Variants in TGFBR3 observed in about 807,000 individuals in gnomAD.
The protein encoded by TGFBR3 is transforming growth factor beta receptor 3, also known as transforming growth factor beta receptor type 3.
In TGFBR3, 46 loss-of-function variants were observed where a neutral mutation model predicts 87.9. The ratio of observed to expected loss-of-function variants is 0.52; its 90% confidence interval spans 0.41 to 0.67. TGFBR3 has a LOEUF of 0.67. TGFBR3 is among the 30% of genes least tolerant of loss of function. The pLI is 0.00. For synonymous variants in TGFBR3, 381 were observed against 391.6 expected (o/e 0.97, Z 0.32); for missense variants, 866 against 1,041.9 (o/e 0.83, Z 2.32).
intron 2 of TGFBR3, among the ~76,000 whole-genome samples, chr1:91,843,665 C>T (rs1677373540): frequency 6.6e-6 from 1 of 152,160 alleles, no homozygotes; most frequent in Non-Finnish European, 1.5e-5. Flanking sequence ...ACAGGAACTA[C>T]TGATACTTCA....
upstream of TGFBR3, among the ~76,000 whole-genome samples, chr1:91,890,367 G>A (rs868445116): frequency 2.6e-4 from 34 of 131,132 alleles, no homozygotes; most frequent in Middle Eastern, 4.8e-3. Flanking sequence ...AAGTCTAAAA[G>A]ACTTTATCAT....
At chr1:91,839,367 G>A (rs148681855) in intron 2 of TGFBR3, among the ~76,000 whole-genome samples, 31 of 152,182 alleles carry the variant, frequency 2.0e-4, no homozygotes, top group African/African-American at 7.0e-4. Flanking sequence ...AAGTTTAGTT[G>A]CAAGGTAGCA....
Position 91,839,446 on chromosome 1 carries a change from G to A in TGFBR3, c.61+22025C>T, listed in dbSNP as rs183740970. On this transcript the variant is annotated intron_variant, in intron 2 of 16. Transcript: ENST00000212355. ...TCCTTTGCTTTCCCCAAAATACTGC[G>A]TAATTTCAAAGTGAAAAATAGTACC... Among the ~76,000 whole-genome samples, 342 of 152,216 alleles carry A rather than the reference G, an allele frequency of 2.2e-3. 1 individual carries two copies. The highest frequency in any genetic ancestry group is 2.7e-3 in the Non-Finnish European group (184 of 68,014).
chr1:91,791,720 C>T (rs1675199841), intron 3 of TGFBR3, among the ~76,000 whole-genome samples: 1 of 152,164 alleles, frequency 6.6e-6, no homozygotes, highest in East Asian at 1.9e-4. Context: ...AGACACAACT[C>T]GGGGGCTGGC....
intron 1 of TGFBR3, chr1:91,864,244 C>G (rs1407218775): frequency 6.6e-6 from 1 of 152,146 alleles, no homozygotes; most frequent in East Asian, 1.9e-4. Flanking sequence ...GTCTGTGCTG[C>G]GTTAATCCAG....
intron 4 of TGFBR3, among the ~76,000 whole-genome samples, chr1:91,750,836 C>T (rs1673514778): frequency 6.6e-6 from 1 of 152,240 alleles, no homozygotes; most frequent in African/African-American, 2.4e-5. Flanking sequence ...TCTCCAGAGC[C>T]AACCTCATGC....
chr1:91,750,780 G>A (rs1253732348), intron 4 of TGFBR3, among the ~76,000 whole-genome samples: 3 of 152,230 alleles, frequency 2.0e-5, no homozygotes, highest in Non-Finnish European at 4.4e-5. Context: ...GCCGAGCCAA[G>A]AGCTGTGTTT....
intron 13 of TGFBR3, among the ~76,000 whole-genome samples, chr1:91,711,860 A>G (rs987494170): frequency 1.3e-5 from 2 of 152,236 alleles, no homozygotes; most frequent in Non-Finnish European, 2.9e-5. Context: ...AGGTTAAAAA[A>G]CAATGACAAT....
chr1:91,712,424 T>C lies in TGFBR3; in HGVS notation c.1985A>G (p.Lys662Arg). ...ACTGTAGAATTTCACAGATTCATCT[T>C]TAGGACAAATATTCTCAATAATGGT... ...HYTIIENICP[K>R]DESVKFYSPK... The change falls in exon 13 of 17, where the codon AAA becomes AGA. Residue 662 changes from lysine to arginine, a missense_variant. Transcript: ENST00000212355. The C allele has an allele frequency of 6.2e-7, 1 of 1,614,220 alleles. No individual in the cohort carries two copies. The highest frequency in any genetic ancestry group is 8.5e-7 in the Non-Finnish European group (1 of 1,180,036).
At chr1:91,781,352 A>C (rs1225923685) in intron 3 of TGFBR3, among the ~76,000 whole-genome samples, 1 of 152,198 alleles carries the variant, frequency 6.6e-6, no homozygotes, top group African/African-American at 2.4e-5. Context: ...TAGAGAACAA[A>C]AATTAGTAAA....
intron 1 of TGFBR3, among the ~76,000 whole-genome samples, chr1:91,872,694 C>T (rs1678628273): frequency 2.6e-5 from 4 of 152,134 alleles, no homozygotes; most frequent in Admixed American, 2.6e-4. Flanking sequence ...TTCCCTAGCT[C>T]TTTTCTTTAA....
Position 91,705,400 on chromosome 1 carries a change from T to G in TGFBR3, c.2287+3263A>C, listed in dbSNP as rs1243760023. 3.4e-5 allele frequency among the ~76,000 whole-genome samples: 5 copies of G among 145,802 alleles called. No homozygotes were observed. The East Asian group carries it at 6.0e-4, about 17-fold the overall frequency. ...CATGACGCCTGGCTAATTTTTTTGGTTTTTTTTTTAGGTAGAGACAGGGTT... is the reference window on the plus strand; with the variant it reads ...CATGACGCCTGGCTAATTTTTTTGGGTTTTTTTTTAGGTAGAGACAGGGTT... On this transcript the variant is annotated intron_variant, in intron 14 of 16. Transcript: ENST00000212355.
At chr1:91,832,534 C>T (rs1273192824) in intron 2 of TGFBR3, among the ~76,000 whole-genome samples, 1 of 152,176 alleles carries the variant, frequency 6.6e-6, no homozygotes, top group South Asian at 2.1e-4. Context: ...ATTGGCCGCA[C>T]TTTACAGATG....
At chr1:91,844,099 G>T (rs568407039) in intron 2 of TGFBR3, among the ~76,000 whole-genome samples, 1 of 152,294 alleles carries the variant, frequency 6.6e-6, no homozygotes, top group East Asian at 1.9e-4. Context: ...AAAGGAACAA[G>T]GATATTCATT....
At position 91,862,623 on chromosome 1, in the gene TGFBR3, C is replaced by T. The variant is rs35157824; in HGVS notation, c.-113-979G>A. Among the ~76,000 whole-genome samples the T allele has an allele frequency of 6.7e-3, 1,027 of 152,256 alleles. 4 individuals carry two copies. The highest frequency in any genetic ancestry group is 0.012 in the Non-Finnish European group (783 of 68,018). ...ATATTCCTCACACGGCCCTAATGGT[C>T]ACTGATTTAGACACTCCAAAGTATA... is the stretch of plus-strand genomic sequence containing the variant. On this transcript the variant is annotated intron_variant, in intron 1 of 16. Transcript: ENST00000212355.
chr1:91,886,858 G>A (rs1350492731), upstream of TGFBR3, among the ~76,000 whole-genome samples: 1 of 151,952 alleles, frequency 6.6e-6, no homozygotes, highest in African/African-American at 2.4e-5. Flanking sequence ...GGCGTTACCC[G>A]GAGGTGGGCG....
Position 91,727,806 on chromosome 1 carries a change from A to G in TGFBR3, c.738T>C (p.Ser246=). 1.2e-6 allele frequency: 2 copies of G among 1,613,826 alleles called. No individual in the cohort carries two copies. Among genetic ancestry groups the G allele is most frequent in the Non-Finnish European group, 1.7e-6 (2 of 1,179,972 alleles). The change falls in exon 7 of 17, where the codon AGT becomes AGC. Residue 246 remains serine, a splice_region_variant and synonymous_variant. Transcript: ENST00000212355. ...CAATTGTTATATCCACCTGGAAAGC[A>G]CTGTGAATGGAAGACAAAGGCAAAG... is the stretch of plus-strand genomic sequence containing the variant. ...ELITPNSNPY[S]AFQVDITIDI... is the part of the protein sequence containing the mutation.
At chr1:91,787,041 G>A (rs960348615) in intron 3 of TGFBR3, among the ~76,000 whole-genome samples, 7 of 152,080 alleles carry the variant, frequency 4.6e-5, no homozygotes, top group Admixed American at 6.5e-5. Flanking sequence ...AGTGGCTCAC[G>A]CCTATAATCC....
rs570627863 is a variant in TGFBR3, at chr1:91,856,155, C to T, written c.61+5316G>A. The stretch of plus-strand genomic sequence containing the variant: ...TCAGCTCACTGCAAGCTCCGCCTCC[C>T]GGGTTCACACCATTCTTCTGCCTCA... On this transcript the variant is annotated intron_variant, in intron 2 of 16. Transcript: ENST00000212355. Among the ~76,000 whole-genome samples the T allele has an allele frequency of 3.3e-5, 5 of 152,260 alleles. No homozygotes were observed. In the East Asian group the frequency reaches 9.7e-4, roughly 30 times the overall value.
Sources: gnomAD v4.1 joint callset for allele counts (sites outside exome capture counted in the v4.1 genomes callset) on GRCh38, gnomAD v4.1.1 for gene constraint, MANE v1.5 for transcripts, NCBI Gene and HGNC (gene_info 2026-07-23, HGNC 2026-07-21) for gene names.